The following GJA3 variants were observed in gnomAD, a reference collection of about 807,000 sequenced individuals.
GJA3 encodes gap junction protein alpha 3, also known as gap junction alpha-3 protein.
For missense variants in GJA3, 571 were observed against 620.3 expected (o/e 0.92, Z 0.84); for synonymous variants, 297 against 292.6 (o/e 1.02, Z -0.15).
At chr13:20,150,260 G>A (rs1331585449) in intron 1 of GJA3, among the ~76,000 whole-genome samples, 1 of 152,170 alleles carries the variant, frequency 6.6e-6, no homozygotes, top group Non-Finnish European at 1.5e-5. Flanking sequence ...GGCAGCTGGC[G>A]GCATGGGGCT....
chr13:20,159,354 G>A (rs943728014), intron 1 of GJA3, among the ~76,000 whole-genome samples: 1 of 149,912 alleles, frequency 6.7e-6, no homozygotes, highest in African/African-American at 2.5e-5. Context: ...GAGGAAGAAG[G>A]CATGGTGGTA....
In GJA3 at chr13:20,138,872, C is replaced by T. The variant is rs758857186; in HGVS notation, c.*3109G>A. On this transcript the variant is annotated 3_prime_UTR_variant, in exon 2 of 2. Transcript: ENST00000241125. ...TAATAATACTTTTTAAAAAGCCTAACGTGAAAGGAGACCTAAACCCTATTG... is the reference window on the plus strand; with the variant it reads ...TAATAATACTTTTTAAAAAGCCTAATGTGAAAGGAGACCTAAACCCTATTG... The T allele has an allele frequency of 2.0e-5, 3 of 152,062 alleles. No individual in the cohort carries two copies. The highest frequency in any genetic ancestry group is 4.8e-5 in the African/African-American group (2 of 41,394). 9.4% of individuals were successfully genotyped at this position (152,062 alleles called of 1,614,324 possible). A position where few individuals can be genotyped will look rare whatever the true frequency, so the allele number is the denominator to read the frequency against.
chr13:20,160,300 C>G (rs1412328332), intron 1 of GJA3, among the ~76,000 whole-genome samples: 1 of 152,206 alleles, frequency 6.6e-6, no homozygotes, highest in Admixed American at 6.5e-5. Context: ...GCATTAATAG[C>G]TACAGTGTTT....
At chr13:20,144,167 A>T (rs1284652393) in intron 1 of GJA3, among the ~76,000 whole-genome samples, 8 of 152,212 alleles carry the variant, frequency 5.3e-5, no homozygotes. Context: ...CACATGATTC[A>T]GCATCCACTG....
intron 1 of GJA3, among the ~76,000 whole-genome samples, chr13:20,150,471 G>C (rs1361506210): frequency 6.6e-6 from 1 of 152,140 alleles, no homozygotes; most frequent in Admixed American, 6.5e-5. Context: ...GTGGGGGAAG[G>C]CACCCTCGGT....
upstream of GJA3, among the ~76,000 whole-genome samples, chr13:20,161,513 C>T (rs559301339): frequency 4.3e-3 from 658 of 152,196 alleles, 5 homozygotes; most frequent in Non-Finnish European, 6.0e-3. Flanking sequence ...GGGCGTCGGG[C>T]ACCTAGGTCT....
rs540909205 is a variant in GJA3 at position 20,144,907 on chromosome 13, G to A, written c.-17-1602C>T. On this transcript the variant is annotated intron_variant, in intron 1 of 1. Transcript: ENST00000241125. Reference sequence around the variant, plus strand: ...AATTTTAAAATATTTCAGGCTGGGCGCGGTGGCTCACGCCTGTAATCCCAG... The same window carrying A: ...AATTTTAAAATATTTCAGGCTGGGCACGGTGGCTCACGCCTGTAATCCCAG... Among the ~76,000 whole-genome samples, 9 of 152,336 alleles carry A rather than the reference G, an allele frequency of 5.9e-5. No homozygotes were observed. In the South Asian group the frequency reaches 1.7e-3, roughly 28 times the overall value.
chr13:20,155,191 AT>A (rs1486750328), intron 1 of GJA3, among the ~76,000 whole-genome samples: 1 of 152,104 alleles, frequency 6.6e-6, no homozygotes, highest in Non-Finnish European at 1.5e-5. Context: ...AGCACATTCA[AT>A]TTGCTACTAC....
chr13:20,158,765 A>G (rs1255609197), intron 1 of GJA3, among the ~76,000 whole-genome samples: 1 of 151,970 alleles, frequency 6.6e-6, no homozygotes, highest in African/African-American at 2.4e-5. Flanking sequence ...TACAAAAATT[A>G]GCCAGGCGTG....
rs1188808652 is a variant in GJA3, at chr13:20,138,810, AAGGAGTTT to A, written c.*3163_*3170del. 8 of 152,246 alleles carry A rather than the reference AAGGAGTTT, an allele frequency of 5.3e-5. No individual in the cohort carries two copies. Among genetic ancestry groups the A allele is most frequent in the Non-Finnish European group, 1.0e-4 (7 of 68,042 alleles). 9.4% of individuals were successfully genotyped at this position (152,246 alleles called of 1,614,324 possible). A position where few individuals can be genotyped will look rare whatever the true frequency, so the allele number is the denominator to read the frequency against. ...TCAGAAGTTCAAAAAATTCAGAAAA[AAGGAGTTT>A]ATTCAGTAATACAAAATAAAGAAAG... On this transcript the variant is annotated 3_prime_UTR_variant, in exon 2 of 2. Transcript: ENST00000241125.
Position 20,142,069 on chromosome 13 carries a change from G to A in GJA3, c.1220C>T (p.Pro407Leu), listed in dbSNP as rs751848890. 6.3e-5 allele frequency: 97 copies of A among 1,549,798 alleles called. No homozygotes were observed. The highest frequency in any genetic ancestry group is 7.8e-5 in the Non-Finnish European group (90 of 1,146,682). The change falls in exon 2 of 2, where the codon CCG becomes CTG. Residue 407 changes from proline to leucine, a missense_variant. Transcript: ENST00000241125. The part of the protein sequence containing the change: ...AVTTAAQMHQ[P>L]PLPLGDPGRA... Reference sequence around the variant, plus strand: ...ACCTGGGTCTCCGAGGGGCAAGGGCGGCTGGTGCATCTGGGCCGCGGTGGT... The same window carrying A: ...ACCTGGGTCTCCGAGGGGCAAGGGCAGCTGGTGCATCTGGGCCGCGGTGGT...
At chr13:20,152,190 G>A (rs139633860) in intron 1 of GJA3, among the ~76,000 whole-genome samples, 291 of 152,256 alleles carry the variant, frequency 1.9e-3, no homozygotes, top group African/African-American at 6.7e-3. Context: ...GGGCAGGGGA[G>A]GAGGAAACGG....
At chr13:20,154,225 C>G (rs948041242) in intron 1 of GJA3, among the ~76,000 whole-genome samples, 1 of 152,244 alleles carries the variant, frequency 6.6e-6, no homozygotes, top group East Asian at 1.9e-4. Context: ...TCATTTCCCA[C>G]TAGCAAGTGC....
chr13:20,145,623 A>C (rs1958837317), intron 1 of GJA3, among the ~76,000 whole-genome samples: 1 of 152,180 alleles, frequency 6.6e-6, no homozygotes. Context: ...CCATGATAGC[A>C]TGCAAGACCC....
intron 1 of GJA3, among the ~76,000 whole-genome samples, chr13:20,151,854 G>A (rs1412683586): frequency 6.6e-6 from 1 of 152,100 alleles, no homozygotes; most frequent in African/African-American, 2.4e-5. Context: ...AGTCTATGGG[G>A]GCAGGGGCAA....
At chr13:20,144,918 C>T (rs995636289) in intron 1 of GJA3, among the ~76,000 whole-genome samples, 8 of 152,236 alleles carry the variant, frequency 5.3e-5, no homozygotes, top group East Asian at 1.9e-4. Context: ...CGGTGGCTCA[C>T]GCCTGTAATC....
chr13:20,159,456 CAAAAAAAAAAAA>C (rs57613247), intron 1 of GJA3, among the ~76,000 whole-genome samples: 11 of 51,732 alleles, frequency 2.1e-4, no homozygotes, highest in South Asian at 1.3e-3. Context: ...GACTCCATCT[CAAAAAAAAAAAA>C]AAAAAAAAAA....
chr13:20,152,460 CT>C (rs1958884159), intron 1 of GJA3, among the ~76,000 whole-genome samples: 1 of 152,164 alleles, frequency 6.6e-6, no homozygotes, highest in Admixed American at 6.5e-5. Flanking sequence ...TCTCGGCTCA[CT>C]GCAACCTCTG....
chr13:20,150,293 G>A (rs992967357), intron 1 of GJA3, among the ~76,000 whole-genome samples: 1 of 151,846 alleles, frequency 6.6e-6, no homozygotes, highest in Admixed American at 6.6e-5. Flanking sequence ...AGGAGGGTCT[G>A]CACTGCAGCT....
Sources: gnomAD v4.1 joint callset for allele counts (sites outside exome capture counted in the v4.1 genomes callset) on GRCh38, gnomAD v4.1.1 for gene constraint, MANE v1.5 for transcripts, NCBI Gene and HGNC (gene_info 2026-07-23, HGNC 2026-07-21) for gene names.